ARID2: variants seen among roughly 807,000 people sequenced by gnomAD.
ARID2 encodes AT-rich interactive domain-containing protein 2.
ARID2 carries 32 observed loss-of-function variants against 184.6 expected under a neutral mutation model. The observed-to-expected ratio is 0.17, with a 90% CI of 0.13 to 0.23. ARID2 has a LOEUF of 0.23. Among genes scored for constraint, ARID2 ranks in the 10% least tolerant of loss-of-function variants. The pLI, the probability that ARID2 is intolerant of heterozygous loss-of-function variation, is 1.00. For synonymous variants in ARID2, 836 were observed against 772.6 expected (o/e 1.08, Z -1.36); for missense variants, 1,696 against 2,197.6 (o/e 0.77, Z 4.56).
intron 11 of ARID2, chr12:45,840,296 G>T (rs1449043810): frequency 6.6e-6 from 1 of 152,044 alleles, no homozygotes; most frequent in Non-Finnish European, 1.5e-5. Flanking sequence ...GAGGATGCTC[G>T]TGTTCTCAAT....
intron 3 of ARID2, among the ~76,000 whole-genome samples, chr12:45,744,761 G>A (rs1941325098): frequency 6.6e-6 from 1 of 152,088 alleles, no homozygotes; most frequent in African/African-American, 2.4e-5. Flanking sequence ...AAGCAAATTT[G>A]TACTTTAATC....
chr12:45,779,798 A>G (rs568726401), intron 3 of ARID2, among the ~76,000 whole-genome samples: 1 of 152,296 alleles, frequency 6.6e-6, no homozygotes, highest in African/African-American at 2.4e-5. Context: ...GAGAAAATTC[A>G]TACTGAGAAG....
chr12:45,763,855 TG>T (rs1941723847), intron 3 of ARID2, among the ~76,000 whole-genome samples: 3 of 152,162 alleles, frequency 2.0e-5, no homozygotes, highest in Admixed American at 1.3e-4. Context: ...TAATGGTTTT[TG>T]TTTGTTTTTT....
At position 45,906,814 on chromosome 12, in the gene ARID2, C is replaced by CT. The variant is rs933450140; in HGVS notation, c.*1743dup. 13 of 231,854 alleles carry CT rather than the reference C, an allele frequency of 5.6e-5. No individual in the cohort carries two copies. The highest frequency in any genetic ancestry group is 6.8e-5 in the Non-Finnish European group (8 of 117,410). The allele number at this position is 231,854 out of a possible 1,614,324, so 14.4% of individuals were successfully genotyped here. On this transcript the variant is annotated 3_prime_UTR_variant, in exon 21 of 21. Coordinates refer to ENST00000334344, the MANE Select transcript of ARID2 (RefSeq NM_152641.4). ...TTGATGCAGTTAAAGCTCAATATGC[C>CT]TTTTTTTACTGGATACTGTACATTT... is the stretch of plus-strand genomic sequence containing the variant.
intron 3 of ARID2, among the ~76,000 whole-genome samples, chr12:45,760,036 G>C (rs1941644632): frequency 6.6e-6 from 1 of 152,064 alleles, no homozygotes; most frequent in African/African-American, 2.4e-5. Flanking sequence ...ACTTTGACAT[G>C]CATTTTCTTT....
At chr12:45,892,759 T>G (rs1944318287) in intron 18 of ARID2, among the ~76,000 whole-genome samples, 1 of 152,110 alleles carries the variant, frequency 6.6e-6, no homozygotes, top group Non-Finnish European at 1.5e-5. Flanking sequence ...CTATATCTGC[T>G]TGGTGAAAGA....
At chr12:45,880,002 G>A (rs559178464) in intron 16 of ARID2, among the ~76,000 whole-genome samples, 1 of 152,266 alleles carries the variant, frequency 6.6e-6, no homozygotes, top group Admixed American at 6.5e-5. Flanking sequence ...CTTTGAATAA[G>A]TGGTGTCAGG....
At chr12:45,795,739 C>G (rs1942381696) in intron 3 of ARID2, among the ~76,000 whole-genome samples, 1 of 152,032 alleles carries the variant, frequency 6.6e-6, no homozygotes. Context: ...CCTGGCCTCT[C>G]TGTTCTTTTC....
intron 2 of ARID2, among the ~76,000 whole-genome samples, chr12:45,730,673 G>C (rs1565574258): frequency 6.6e-6 from 1 of 151,978 alleles, no homozygotes; most frequent in Non-Finnish European, 1.5e-5. Flanking sequence ...GTCGCCCTCG[G>C]TTTATACAGC....
chr12:45,732,687 T>C (rs1941026380), intron 3 of ARID2, among the ~76,000 whole-genome samples: 1 of 152,224 alleles, frequency 6.6e-6, no homozygotes, highest in Admixed American at 6.5e-5. Context: ...TCTGGTTTTA[T>C]GTTTTTATCA....
chr12:45,749,756 G>A (rs1404720080), intron 3 of ARID2, among the ~76,000 whole-genome samples: 2 of 152,176 alleles, frequency 1.3e-5, no homozygotes, highest in Non-Finnish European at 2.9e-5. Context: ...TGAAGATAAC[G>A]TCTTTTTGTA....
intron 6 of ARID2, among the ~76,000 whole-genome samples, chr12:45,828,130 T>G (rs1943037893): frequency 1.3e-5 from 2 of 152,040 alleles, no homozygotes; most frequent in Admixed American, 6.6e-5. Flanking sequence ...AGATGAAGAA[T>G]TAGAACATTA....
At chr12:45,748,363 C>G (rs1941397633) in intron 3 of ARID2, among the ~76,000 whole-genome samples, 1 of 152,142 alleles carries the variant, frequency 6.6e-6, no homozygotes, top group Non-Finnish European at 1.5e-5. Context: ...TGGACTCCAT[C>G]TAGCCTGGAC....
At chr12:45,809,998 A>C (rs932130302) in intron 3 of ARID2, among the ~76,000 whole-genome samples, 19 of 152,360 alleles carry the variant, frequency 1.2e-4, no homozygotes, top group South Asian at 2.1e-4. Context: ...GTCTTAAAAA[A>C]GCAGAGGGTA....
At chr12:45,872,395 A>G (rs1943941507) in intron 16 of ARID2, among the ~76,000 whole-genome samples, 1 of 152,184 alleles carries the variant, frequency 6.6e-6, no homozygotes, top group South Asian at 2.1e-4. Flanking sequence ...TTTTCTAGCT[A>G]TCTTTTTGTT....
intron 3 of ARID2, among the ~76,000 whole-genome samples, chr12:45,771,722 C>T (rs922497098): frequency 6.6e-6 from 1 of 151,228 alleles, no homozygotes; most frequent in African/African-American, 2.4e-5. Flanking sequence ...TCTTTGGGAC[C>T]ATATACATTA....
At chr12:45,888,582 A>C (rs1034715188) in intron 16 of ARID2, among the ~76,000 whole-genome samples, 2 of 152,204 alleles carry the variant, frequency 1.3e-5, no homozygotes, top group African/African-American at 4.8e-5. Flanking sequence ...CAGTACCTCC[A>C]CTACCCCTTA....
At chr12:45,778,343 TC>T (rs1485903039) in intron 3 of ARID2, among the ~76,000 whole-genome samples, 4 of 152,188 alleles carry the variant, frequency 2.6e-5, no homozygotes, top group Non-Finnish European at 5.9e-5. Context: ...ATTTTTCACT[TC>T]CAACTTCAGG....
intron 13 of ARID2, 45 bp downstream of exon 13, chr12:45,849,015 C>T (rs373165949): frequency 1.3e-6 from 2 of 1,575,578 alleles, no homozygotes; most frequent in Non-Finnish European, 1.7e-6. Flanking sequence ...ACGTCACTTA[C>T]AACATCTCTT....
Sources: allele counts gnomAD v4.1 joint callset (sites outside exome capture counted in the v4.1 genomes callset), GRCh38; gene constraint gnomAD v4.1.1; transcripts MANE v1.5; gene names NCBI Gene and HGNC (gene_info 2026-07-23, HGNC 2026-07-21).